PARD6B: variants seen among roughly 807,000 people sequenced by gnomAD.
The protein encoded by PARD6B is partitioning defective 6 homolog beta.
PARD6B carries 4 observed loss-of-function variants against 10.5 expected under a neutral mutation model. The ratio of observed to expected loss-of-function variants is 0.38; its 90% confidence interval spans 0.19 to 0.87. The LOEUF (loss-of-function observed/expected upper bound fraction) is 0.87. PARD6B is among the 40% of genes least tolerant of loss of function. The probability of loss-of-function intolerance (pLI) is 0.41; values close to 1 mark genes in which losing one functional copy is unlikely to be tolerated. For missense variants in PARD6B, 396 were observed against 470.6 expected (o/e 0.84, Z 1.47); for synonymous variants, 169 against 170.4 (o/e 0.99, Z 0.07).
In PARD6B at chr20:50,753,066, T is replaced by C. The variant is rs1001976678; in HGVS notation, c.*2578T>C. 9.1e-5 allele frequency: 78 copies of C among 854,360 alleles called. No homozygotes were observed. The highest frequency in any genetic ancestry group is 1.0e-4 in the Non-Finnish European group (78 of 750,744). 52.9% of individuals were successfully genotyped at this position (854,360 alleles called of 1,614,324 possible). The stretch of plus-strand genomic sequence containing the variant: ...TTTAAGTAAAAATATTTTTACACAC[T>C]ACCTCTCTCTTTTTTTTTTTAAAGT... On this transcript the variant is annotated 3_prime_UTR_variant, in exon 3 of 3. Transcript: ENST00000371610.
At position 50,749,830 on chromosome 20, in the gene PARD6B, C is replaced by T. The variant is rs767981247; in HGVS notation, c.461C>T (p.Thr154Met). Residue 154 changes from threonine (T) to methionine (M), a missense_variant, in exon 3 of 3, where the codon ACG becomes ATG. By Grantham distance (81) the Thr-to-Met change is moderately conservative (BLOSUM62 -1). Transcript: ENST00000371610. ...SIIDVDILPETHRRVRLYKYG... is the reference protein window; with the variant it reads ...SIIDVDILPEMHRRVRLYKYG... The stretch of plus-strand genomic sequence containing the variant: ...ATAGACGTGGATATTCTCCCAGAAA[C>T]GCATCGTAGGGTACGTCTTTACAAA... The T allele has an allele frequency of 8.1e-6, 13 of 1,614,048 alleles. No individual in the cohort carries two copies. The Admixed American group carries it at 1.3e-4, about 17-fold the overall frequency.
At chr20:50,735,151 C>T (rs2087493163) in intron 1 of PARD6B, among the ~76,000 whole-genome samples, 1 of 150,338 alleles carries the variant, frequency 6.7e-6, no homozygotes, top group East Asian at 1.9e-4. Context: ...GACTCTGTCT[C>T]AAAAAAATAA....
In PARD6B at chr20:50,752,231, G is replaced by A. The variant is rs2087616652; in HGVS notation, c.*1743G>A. On this transcript the variant is annotated 3_prime_UTR_variant, in exon 3 of 3. Coordinates refer to ENST00000371610, the MANE Select transcript of PARD6B (RefSeq NM_032521.3). ...ATTGTTAGTGTGTGTATTTTTGTTG[G>A]TGTGCTTTTAATGCATCCAAGTATG... 2.0e-6 allele frequency: 2 copies of A among 985,148 alleles called. No homozygotes were observed. The highest frequency in any genetic ancestry group is 5.2e-4 in the Middle Eastern group (1 of 1,914). The allele number at this position is 985,148 out of a possible 1,614,324, so 61.0% of individuals were successfully genotyped here.
In PARD6B at chr20:50,751,554, G is replaced by T. The variant is rs2123710193; in HGVS notation, c.*1066G>T. 1 of 902,742 alleles carries T rather than the reference G, an allele frequency of 1.1e-6. No homozygotes were observed. The highest frequency in any genetic ancestry group is 1.3e-6 in the Non-Finnish European group (1 of 755,484). The allele number at this position is 902,742 out of a possible 1,614,324, so 55.9% of individuals were successfully genotyped here. A position where few individuals can be genotyped will look rare whatever the true frequency, so the allele number is the denominator to read the frequency against. ...GTAGAGACGGGGTTTCGCAGTGTTA[G>T]CCAGGAAGGTCTCAATCTCCTGACC... On this transcript the variant is annotated 3_prime_UTR_variant, in exon 3 of 3. Coordinates refer to ENST00000371610, the MANE Select transcript of PARD6B (RefSeq NM_032521.3).
At chr20:50,740,197 T>C (rs753818152) in intron 2 of PARD6B, among the ~76,000 whole-genome samples, 1 of 152,180 alleles carries the variant, frequency 6.6e-6, no homozygotes, top group Non-Finnish European at 1.5e-5. Flanking sequence ...GGAGTAGACA[T>C]AAAGGCTATC....
intron 1 of PARD6B, 69 bp downstream of exon 1, chr20:50,731,921 G>T (rs1281513269): frequency 2.3e-6 from 3 of 1,280,438 alleles, no homozygotes; most frequent in African/African-American, 3.1e-5. Flanking sequence ...GCCGGGCCAG[G>T]CTCGGAGCGC....
chr20:50,747,170 G>T (rs930244300), intron 2 of PARD6B, among the ~76,000 whole-genome samples: 2 of 152,180 alleles, frequency 1.3e-5, no homozygotes, highest in Admixed American at 1.3e-4. Context: ...TGACATAATT[G>T]ATACTTGGCA....
At chr20:50,739,144 C>G (rs1023035883) in intron 2 of PARD6B, among the ~76,000 whole-genome samples, 4 of 151,824 alleles carry the variant, frequency 2.6e-5, no homozygotes, top group African/African-American at 9.7e-5. Flanking sequence ...TATAAGCCAA[C>G]CCAGAAAGTA....
chr20:50,743,868 G>C (rs183290533), intron 2 of PARD6B, among the ~76,000 whole-genome samples: 2 of 144,752 alleles, frequency 1.4e-5, no homozygotes, highest in Non-Finnish European at 3.0e-5. Flanking sequence ...CAGCCTGGGC[G>C]ACAGAGCGAG....
chr20:50,737,580 A>C (rs1005078495), intron 1 of PARD6B, among the ~76,000 whole-genome samples: 17 of 152,164 alleles, frequency 1.1e-4, no homozygotes, highest in African/African-American at 3.9e-4. Context: ...TATGCAGAAC[A>C]GTCCGCAGTA....
intron 2 of PARD6B, among the ~76,000 whole-genome samples, chr20:50,743,820 C>T (rs1248532597): frequency 2.7e-5 from 4 of 148,532 alleles, no homozygotes; most frequent in Admixed American, 6.9e-5. Context: ...ACCCAGGAGG[C>T]GGAGCTTGCA....
chr20:50,741,323 G>C (rs569533348), intron 2 of PARD6B, among the ~76,000 whole-genome samples: 102 of 151,814 alleles, frequency 6.7e-4, no homozygotes, highest in Non-Finnish European at 1.3e-3. Flanking sequence ...TTCACCCTCG[G>C]TTCTTCCCAC....
intron 1 of PARD6B, among the ~76,000 whole-genome samples, chr20:50,737,572 T>C (rs984786726): frequency 2.6e-5 from 4 of 152,142 alleles, no homozygotes; most frequent in South Asian, 2.1e-4. Context: ...TGAGTCACTA[T>C]GCAGAACAGT....
rs756327024 is a variant in PARD6B, at chr20:50,749,730, C to T, written c.361C>T (p.Arg121Cys). Residue 121 changes from arginine to cysteine, a missense_variant, in exon 3 of 3, where the codon CGT becomes TGT. Arg to Cys is a radical substitution (Grantham distance 180). Coordinates refer to ENST00000371610, the MANE Select transcript of PARD6B (RefSeq NM_032521.3). ...GAAGAATGTTTTAACCAACGTATTG[C>T]GTCCTGACAACCATAGAAAAAAGCC... The part of the protein sequence containing the change: ...KKKNVLTNVL[R>C]PDNHRKKPHI... 5 of 1,613,826 alleles carry T rather than the reference C, an allele frequency of 3.1e-6. No homozygotes were observed. Among genetic ancestry groups the T allele is most frequent in the African/African-American group, 2.7e-5 (2 of 74,912 alleles).
intron 1 of PARD6B, among the ~76,000 whole-genome samples, chr20:50,735,905 C>T (rs945593092): frequency 4.6e-5 from 7 of 152,206 alleles, no homozygotes; most frequent in African/African-American, 1.2e-4. Context: ...CTAGCAACTT[C>T]ATGTTGTGAT....
At chr20:50,735,641 G>T (rs1009703285) in intron 1 of PARD6B, among the ~76,000 whole-genome samples, 1 of 152,120 alleles carries the variant, frequency 6.6e-6, no homozygotes, top group Non-Finnish European at 1.5e-5. Context: ...TTGTTGTGTT[G>T]CAAGAAGCAT....
chr20:50,748,738 G>T (rs1470495860), intron 2 of PARD6B, among the ~76,000 whole-genome samples: 16 of 152,044 alleles, frequency 1.1e-4, no homozygotes, highest in Admixed American at 1.0e-3. Flanking sequence ...TCACGCTGTT[G>T]CCCAGGCTGG....
At chr20:50,738,870 C>T (rs1182726948) in intron 2 of PARD6B, among the ~76,000 whole-genome samples, 1 of 151,824 alleles carries the variant, frequency 6.6e-6, no homozygotes, top group Non-Finnish European at 1.5e-5. Flanking sequence ...ATCCTCCAGT[C>T]CCTGCCTCTC....
At chr20:50,747,105 G>C (rs978828953) in intron 2 of PARD6B, among the ~76,000 whole-genome samples, 1 of 152,098 alleles carries the variant, frequency 6.6e-6, no homozygotes, top group African/African-American at 2.4e-5. Flanking sequence ...CTGAAACTAG[G>C]TTTTGAAGAG....
Sources: allele counts gnomAD v4.1 joint callset (sites outside exome capture counted in the v4.1 genomes callset), GRCh38; gene constraint gnomAD v4.1.1; transcripts MANE v1.5; gene names NCBI Gene and HGNC (gene_info 2026-07-23, HGNC 2026-07-21).